SLC2A14: variants seen among roughly 807,000 people sequenced by gnomAD.
SLC2A14 encodes solute carrier family 2 member 14, also known as solute carrier family 2, facilitated glucose transporter member 14.
SLC2A14 carries 13 observed loss-of-function variants against 43.0 expected under a neutral mutation model. The observed-to-expected ratio is 0.30, with a 90% CI of 0.20 to 0.48. SLC2A14 has a LOEUF of 0.48. Among genes scored for constraint, SLC2A14 ranks in the 20% least tolerant of loss-of-function variants. The pLI is 0.99. For synonymous variants in SLC2A14, 190 were observed against 233.8 expected, an observed-to-expected ratio of 0.81 and a Z score of 1.71; for missense variants, 428 against 620.4, an observed-to-expected ratio of 0.69 and a Z score of 3.29.
At chr12:7,883,858 C>T (rs1340951065) in intron 1 of SLC2A14, among the ~76,000 whole-genome samples, 1 of 151,994 alleles carries the variant, frequency 6.6e-6, no homozygotes, top group Non-Finnish European at 1.5e-5. Context: ...GCTGGGATTA[C>T]AGGCATGAGC....
chr12:7,889,092 G>A (rs2121129757), intron 1 of SLC2A14, among the ~76,000 whole-genome samples: 1 of 152,194 alleles, frequency 6.6e-6, no homozygotes, highest in Non-Finnish European at 1.5e-5. Context: ...TCCTGATCCA[G>A]ACCCCAGGAG....
rs189240921 is a variant in SLC2A14, at chr12:7,879,955, G to A, written c.132+11041C>T. 4.0e-3 allele frequency among the ~76,000 whole-genome samples: 596 copies of A among 150,556 alleles called. 3 individuals are homozygous for A. Among genetic ancestry groups the A allele is most frequent in the African/African-American group, 9.3e-3 (380 of 40,952 alleles). ...TGGAAGGCGGAGGTTGCAGTGACCCGAAATGGCACCACTGCACTCCAGCCT... is the reference window on the plus strand; with the variant it reads ...TGGAAGGCGGAGGTTGCAGTGACCCAAAATGGCACCACTGCACTCCAGCCT... On this transcript the variant is annotated intron_variant, in intron 1 of 9. Transcript: ENST00000539924.
chr12:7,891,154 A>C, upstream of SLC2A14: 1 of 1,527,870 alleles, frequency 6.5e-7, no homozygotes, highest in South Asian at 1.2e-5. Flanking sequence ...GTTGTGTGGG[A>C]GCAAAGCCAG....
intron 2 of SLC2A14, among the ~76,000 whole-genome samples, chr12:7,855,694 G>A (rs962630866): frequency 1.0e-5 from 1 of 96,638 alleles, no homozygotes; most frequent in Admixed American, 9.4e-5. Flanking sequence ...CTGGAGTGCA[G>A]TTGCACGGCT....
intron 1 of SLC2A14, among the ~76,000 whole-genome samples, chr12:7,889,347 A>C (rs7972467): frequency 0.99 from 150,449 of 151,474 alleles, 74,729 homozygotes; most frequent in East Asian, 1. Flanking sequence ...AATTCTCCTG[A>C]CTCAGCCTCT....
chr12:7,880,419 G>A (rs1167609175), intron 1 of SLC2A14, among the ~76,000 whole-genome samples: 1 of 150,612 alleles, frequency 6.6e-6, no homozygotes, highest in Non-Finnish European at 1.5e-5. Context: ...AGGTTGTAGT[G>A]AGCCAAGATC....
At chr12:7,889,219 G>A (rs11056349) in intron 1 of SLC2A14, among the ~76,000 whole-genome samples, 2,459 of 143,572 alleles carry the variant, frequency 0.017, 63 homozygotes, top group African/African-American at 0.059. Flanking sequence ...TAGCCCAGAG[G>A]GCTGCTGGTT....
chr12:7,868,248 A>C (rs1034932217), intron 2 of SLC2A14, among the ~76,000 whole-genome samples: 2 of 152,184 alleles, frequency 1.3e-5, no homozygotes, highest in African/African-American at 4.8e-5. Flanking sequence ...GATTGTTAGC[A>C]TTTTTTAGCA....
At chr12:7,815,589 T>TG (rs1863368276) in intron 10 of SLC2A14, among the ~76,000 whole-genome samples, 1 of 152,344 alleles carries the variant, frequency 6.6e-6, no homozygotes, top group African/African-American at 2.4e-5. Context: ...TGTTTTGTTT[T>TG]TTTTGAGACG....
At chr12:7,853,347 G>A (rs1380734129) in intron 2 of SLC2A14, among the ~76,000 whole-genome samples, 1 of 148,090 alleles carries the variant, frequency 6.8e-6, no homozygotes, top group Non-Finnish European at 1.5e-5. Flanking sequence ...GCTGAGGCAG[G>A]AGAATCGCTT....
chr12:7,849,759 C>T (rs537511167), intron 2 of SLC2A14, among the ~76,000 whole-genome samples: 21 of 151,336 alleles, frequency 1.4e-4, no homozygotes, highest in Non-Finnish European at 2.5e-4. Context: ...AAAAATTAGC[C>T]GGGTGTGGCG....
chr12:7,842,819 C>G (rs1866089741), intron 2 of SLC2A14, among the ~76,000 whole-genome samples: 1 of 151,726 alleles, frequency 6.6e-6, no homozygotes, highest in Admixed American at 6.6e-5. Context: ...ACCTCCGCCT[C>G]CCGCGTTCAA....
At chr12:7,842,302 T>C (rs1866020379) in intron 2 of SLC2A14, among the ~76,000 whole-genome samples, 1 of 152,172 alleles carries the variant, frequency 6.6e-6, no homozygotes, top group Non-Finnish European at 1.5e-5. Context: ...TCTTGGTAAG[T>C]TTTAGCAACT....
At chr12:7,814,950 C>T (rs978975899) in intron 10 of SLC2A14, among the ~76,000 whole-genome samples, 1 of 151,998 alleles carries the variant, frequency 6.6e-6, no homozygotes, top group Non-Finnish European at 1.5e-5. Context: ...CAGGTGCCCA[C>T]CAGCACGCCT....
intron 1 of SLC2A14, among the ~76,000 whole-genome samples, chr12:7,883,245 C>T (rs1185476822): frequency 1.4e-5 from 2 of 145,236 alleles, no homozygotes; most frequent in African/African-American, 5.1e-5. Context: ...ACCACAAATG[C>T]TTTCTTTTTC....
chr12:7,841,981 G>C (rs1865989676), intron 2 of SLC2A14, among the ~76,000 whole-genome samples: 1 of 151,380 alleles, frequency 6.6e-6, no homozygotes, highest in African/African-American at 2.4e-5. Flanking sequence ...CTCCAGCCTG[G>C]GCAACAAGAG....
intron 2 of SLC2A14, among the ~76,000 whole-genome samples, chr12:7,851,445 A>G (rs931318082): frequency 2.6e-5 from 4 of 152,156 alleles, no homozygotes; most frequent in Admixed American, 2.0e-4. Context: ...AAGTTTTTGG[A>G]GCCTTTCCCT....
At chr12:7,844,880 T>A (rs1866330248) in intron 2 of SLC2A14, among the ~76,000 whole-genome samples, 1 of 152,124 alleles carries the variant, frequency 6.6e-6, no homozygotes, top group African/African-American at 2.4e-5. Context: ...TACATCTTTG[T>A]CTTAATATGT....
At chr12:7,867,121 C>T (rs994184980) in intron 2 of SLC2A14, among the ~76,000 whole-genome samples, 1 of 151,468 alleles carries the variant, frequency 6.6e-6, no homozygotes, top group South Asian at 2.1e-4. Flanking sequence ...CTACTAAAAA[C>T]ACAAAAAATT....
Sources: gnomAD v4.1 joint callset for allele counts (sites outside exome capture counted in the v4.1 genomes callset) on GRCh38, gnomAD v4.1.1 for gene constraint, MANE v1.5 for transcripts, NCBI Gene and HGNC (gene_info 2026-07-23, HGNC 2026-07-21) for gene names.